Variants in SPATA16 observed in about 807,000 individuals in gnomAD.
SPATA16 encodes the protein spermatogenesis-associated protein 16.
Under a neutral mutation model 63.3 loss-of-function variants are expected in SPATA16, and 36 were observed. The ratio of observed to expected loss-of-function variants is 0.57; its 90% CI spans 0.44 to 0.75. The LOEUF (loss-of-function observed/expected upper bound fraction) is 0.75. Ranked by LOEUF, SPATA16 falls within the 30% of genes least tolerant of loss-of-function variation. SPATA16 has a pLI of 0.00. For missense variants in SPATA16, 646 were observed against 679.3 expected (o/e 0.95, Z 0.54); for synonymous variants, 203 against 216.7 (o/e 0.94, Z 0.56).
At chr3:173,083,286 T>A (rs1736967047) in intron 2 of SPATA16, among the ~76,000 whole-genome samples, 1 of 152,182 alleles carries the variant, frequency 6.6e-6, no homozygotes, top group African/African-American at 2.4e-5. Context: ...TATGTTAATA[T>A]TCTTAACAAC....
chr3:173,112,903 CTCT>C lies in SPATA16; in HGVS notation c.612+4214_612+4216del, dbSNP rs1357999872. On this transcript the variant is annotated intron_variant, in intron 2 of 10. Transcript: ENST00000351008. ...TTGTTCTAATTCAGAAGGTGGAAGC[CTCT>C]TAATTATTAGGATCCTATGATTAAG... 5.9e-5 allele frequency among the ~76,000 whole-genome samples: 9 copies of C among 152,188 alleles called. No individual in the cohort carries two copies. The East Asian group carries it at 1.7e-3, about 29-fold the overall frequency.
chr3:173,026,999 T>C (rs918152443), intron 3 of SPATA16, among the ~76,000 whole-genome samples: 3 of 151,928 alleles, frequency 2.0e-5, no homozygotes, highest in Admixed American at 6.6e-5. Context: ...TAGAAAACTT[T>C]AAGATCTATT....
chr3:173,046,633 C>T (rs1488411156), intron 3 of SPATA16, among the ~76,000 whole-genome samples: 1 of 151,958 alleles, frequency 6.6e-6, no homozygotes, highest in Non-Finnish European at 1.5e-5. Context: ...TGATTAGTAT[C>T]AACTTTCACA....
At chr3:172,947,406 T>C (rs965066691) in intron 6 of SPATA16, among the ~76,000 whole-genome samples, 1 of 147,982 alleles carries the variant, frequency 6.8e-6, no homozygotes, top group African/African-American at 2.7e-5. Flanking sequence ...GGAACCCACC[T>C]TGGATTTCCT....
chr3:173,037,165 A>G (rs1044877212), intron 3 of SPATA16, among the ~76,000 whole-genome samples: 2 of 152,092 alleles, frequency 1.3e-5, no homozygotes, highest in East Asian at 1.9e-4. Flanking sequence ...GAAGAAGCAC[A>G]TGGAACATGC....
At chr3:172,928,029 C>T (rs1299120707) in intron 6 of SPATA16, among the ~76,000 whole-genome samples, 1 of 152,054 alleles carries the variant, frequency 6.6e-6, no homozygotes, top group African/African-American at 2.4e-5. Context: ...CCTGCCTCAG[C>T]CTCCCGAGTA....
chr3:173,101,803 T>C (rs1216858775), intron 2 of SPATA16, among the ~76,000 whole-genome samples: 1 of 152,122 alleles, frequency 6.6e-6, no homozygotes, highest in African/African-American at 2.4e-5. Context: ...ATGCCTTTCA[T>C]CTCTTTTACT....
intron 4 of SPATA16, among the ~76,000 whole-genome samples, chr3:173,015,932 A>T (rs1577133036): frequency 2.0e-5 from 3 of 152,024 alleles, no homozygotes; most frequent in East Asian, 3.9e-4. Flanking sequence ...GATTTGAGTG[A>T]TGACATTCAT....
intron 8 of SPATA16, among the ~76,000 whole-genome samples, chr3:172,923,029 C>T (rs1383019745): frequency 6.6e-6 from 1 of 152,202 alleles, no homozygotes. Flanking sequence ...GCACCCGATA[C>T]ACTGGCTCTG....
rs1271045189 is a variant in SPATA16 at position 172,889,505 on chromosome 3, A to T, written c.*65T>A. On this transcript the variant is annotated 3_prime_UTR_variant, in exon 11 of 11. Coordinates refer to ENST00000351008, the MANE Select transcript of SPATA16 (RefSeq NM_031955.6). ...TCCAGCTTCACAGTACTAGGTGGGC[A>T]TTGGAGTGGATGCCCTTGCCTCTTC... 15 of 1,609,618 alleles carry T rather than the reference A, an allele frequency of 9.3e-6. No homozygotes were observed. The highest frequency in any genetic ancestry group is 8.0e-5 in the African/African-American group (6 of 74,820).
intron 3 of SPATA16, among the ~76,000 whole-genome samples, chr3:173,029,378 A>G (rs1735543049): frequency 6.8e-6 from 1 of 148,120 alleles, no homozygotes; most frequent in Admixed American, 6.7e-5. Flanking sequence ...AGGACAGTTT[A>G]TTGTTCACAG....
intron 2 of SPATA16, among the ~76,000 whole-genome samples, chr3:173,057,334 C>A (rs954324954): frequency 3.3e-5 from 5 of 151,966 alleles, no homozygotes; most frequent in Admixed American, 2.0e-4. Flanking sequence ...AGGATGGTCT[C>A]CATCGCCTGA....
intron 6 of SPATA16, among the ~76,000 whole-genome samples, chr3:172,938,119 G>A (rs983154119): frequency 7.2e-5 from 11 of 152,256 alleles, no homozygotes; most frequent in East Asian, 3.9e-4. Flanking sequence ...ATGGTAAATT[G>A]GTGCCCCATG....
chr3:172,971,789 A>G (rs768764533), intron 5 of SPATA16, among the ~76,000 whole-genome samples: 17 of 152,200 alleles, frequency 1.1e-4, no homozygotes, highest in South Asian at 2.1e-4. Context: ...ACTCATGACA[A>G]TAACATTGTG....
chr3:172,908,317 T>A (rs563483416), intron 10 of SPATA16, among the ~76,000 whole-genome samples: 23 of 152,260 alleles, frequency 1.5e-4, no homozygotes, highest in African/African-American at 2.6e-4. Context: ...TACCTTTTTT[T>A]AAAAAAAAAT....
chr3:172,920,483 T>A (rs1443404399), intron 8 of SPATA16, among the ~76,000 whole-genome samples: 2 of 152,172 alleles, frequency 1.3e-5, no homozygotes, highest in Non-Finnish European at 1.5e-5. Context: ...AGAAGAAAAT[T>A]TTACTCACTT....
At chr3:172,996,453 A>C (rs973957889) in intron 4 of SPATA16, among the ~76,000 whole-genome samples, 1 of 152,106 alleles carries the variant, frequency 6.6e-6, no homozygotes, top group Non-Finnish European at 1.5e-5. Flanking sequence ...TGTTTTAAAA[A>C]TTTTTATTTA....
At chr3:173,001,071 T>A (rs1271359787) in intron 4 of SPATA16, among the ~76,000 whole-genome samples, 1 of 152,190 alleles carries the variant, frequency 6.6e-6, no homozygotes, top group Non-Finnish European at 1.5e-5. Context: ...TCAAACTGTG[T>A]TTTTAGCCTT....
At chr3:172,927,223 A>G (rs888097684) in intron 6 of SPATA16, among the ~76,000 whole-genome samples, 4 of 152,168 alleles carry the variant, frequency 2.6e-5, no homozygotes, top group African/African-American at 9.7e-5. Context: ...ACTCTGTTCT[A>G]TACCCTACTC....
Sources: gnomAD v4.1 joint callset for allele counts (sites outside exome capture counted in the v4.1 genomes callset) on GRCh38, gnomAD v4.1.1 for gene constraint, MANE v1.5 for transcripts, NCBI Gene and HGNC (gene_info 2026-07-23, HGNC 2026-07-21) for gene names.